The following KMT2E variants were observed in gnomAD, a reference collection of about 807,000 sequenced individuals.
The protein encoded by KMT2E is histone reader KMT2E.
Under a neutral mutation model 184.6 loss-of-function variants are expected in KMT2E, and 30 were observed. The ratio of observed to expected loss-of-function variants is 0.16; its 90% CI spans 0.12 to 0.22. The LOEUF (loss-of-function observed/expected upper bound fraction) is 0.22. Ranked by LOEUF, KMT2E falls within the 10% of genes least tolerant of loss-of-function variation. The pLI, the probability that KMT2E is intolerant of heterozygous loss-of-function variation, is 1.00. For missense variants in KMT2E, 2,023 were observed against 2,237.4 expected (o/e 0.90, Z 1.93); for synonymous variants, 815 against 776.5 (o/e 1.05, Z -0.82).
Position 105,107,160 on chromosome 7 carries a change from A to G in KMT2E, c.2848-6A>G, listed in dbSNP as rs778799695. On this transcript the variant is annotated splice_polypyrimidine_tract_variant and splice_region_variant and intron_variant, in intron 20 of 26. Coordinates refer to ENST00000311117, the MANE Select transcript of KMT2E (RefSeq NM_182931.3). Reference sequence around the variant, plus strand: ...TTTTCAATTCTAATTCTTTCTTTATATACAGAATATTTCTTCCCCAGAAAG... The same window carrying G: ...TTTTCAATTCTAATTCTTTCTTTATGTACAGAATATTTCTTCCCCAGAAAG... 3.5e-6 allele frequency: 5 copies of G among 1,411,930 alleles called. No individual in the cohort carries two copies. The highest frequency in any genetic ancestry group is 4.9e-6 in the Non-Finnish European group (5 of 1,020,876). The allele number at this position is 1,411,930 out of a possible 1,614,324, so 87.5% of individuals were successfully genotyped here.
At chr7:105,030,328 T>G (rs1036643074) in intron 1 of KMT2E, among the ~76,000 whole-genome samples, 1 of 152,178 alleles carries the variant, frequency 6.6e-6, no homozygotes, top group South Asian at 2.1e-4. Flanking sequence ...AAGGAAGCAT[T>G]GGTTCTTGAA....
intron 6 of KMT2E, among the ~76,000 whole-genome samples, chr7:105,067,490 A>G (rs1401893321): frequency 6.6e-6 from 1 of 152,088 alleles, no homozygotes; most frequent in African/African-American, 2.4e-5. Context: ...TCACATTTCC[A>G]CCACCCTACC....
At chr7:105,060,763 G>A (rs1211681533) in intron 3 of KMT2E, among the ~76,000 whole-genome samples, 1 of 152,094 alleles carries the variant, frequency 6.6e-6, no homozygotes, top group Non-Finnish European at 1.5e-5. Context: ...GATGTGTTTA[G>A]ATACAGAATA....
At chr7:105,020,568 A>C (rs1247741951) in intron 1 of KMT2E, among the ~76,000 whole-genome samples, 1 of 152,214 alleles carries the variant, frequency 6.6e-6, no homozygotes, top group African/African-American at 2.4e-5. Flanking sequence ...CTGGGCAACG[A>C]GCGAAACTGC....
At position 105,111,979 on chromosome 7, in the gene KMT2E, A is replaced by G; in HGVS notation, c.4223A>G (p.Asn1408Ser). 1 of 1,614,170 alleles carries G rather than the reference A, an allele frequency of 6.2e-7. No homozygotes were observed. The highest frequency in any genetic ancestry group is 8.5e-7 in the Non-Finnish European group (1 of 1,180,022). ...CAACAAAAACAGCTATCAAATAACA[A>G]CCAAGCACTTTCAAAGAATCATCCT... ...ELQQKQLSNNNQALSKNHPPQ... is the reference protein window; with the variant it reads ...ELQQKQLSNNSQALSKNHPPQ... The change falls in exon 27 of 27, where the codon AAC becomes AGC. Residue 1408 changes from asparagine to serine, a missense_variant. Asn to Ser is a conservative substitution (Grantham distance 46, BLOSUM62 1). Transcript: ENST00000311117.
At chr7:105,073,912 A>G (rs1797430147) in intron 7 of KMT2E, among the ~76,000 whole-genome samples, 1 of 152,210 alleles carries the variant, frequency 6.6e-6, no homozygotes, top group Admixed American at 6.5e-5. Context: ...AGGAAAATAA[A>G]TAATTTAAAT....
chr7:105,014,847 G>A (rs1490191278), intron 1 of KMT2E, among the ~76,000 whole-genome samples: 2 of 152,174 alleles, frequency 1.3e-5, no homozygotes, highest in African/African-American at 4.8e-5. Flanking sequence ...AAGGCCGCTT[G>A]AGTGAAGACG....
intron 3 of KMT2E, among the ~76,000 whole-genome samples, chr7:105,050,218 T>G (rs1301551977): frequency 6.6e-6 from 1 of 152,208 alleles, no homozygotes; most frequent in African/African-American, 2.4e-5. Flanking sequence ...TAATTGGTAG[T>G]CTTCTATAAT....
intron 1 of KMT2E, among the ~76,000 whole-genome samples, chr7:105,023,338 G>T (rs1453462108): frequency 7.0e-6 from 1 of 143,432 alleles, no homozygotes; most frequent in African/African-American, 2.7e-5. Context: ...GGAGGCAGAG[G>T]TTGCAGTGAG....
chr7:105,086,666 A>G (rs1312499378), intron 13 of KMT2E, among the ~76,000 whole-genome samples: 1 of 151,702 alleles, frequency 6.6e-6, no homozygotes, highest in Non-Finnish European at 1.5e-5. Flanking sequence ...TGGAGGTTGC[A>G]GTGAGCCAAT....
At chr7:105,094,517 G>T (rs1315699429) in intron 15 of KMT2E, among the ~76,000 whole-genome samples, 13 of 152,146 alleles carry the variant, frequency 8.5e-5, no homozygotes, top group Admixed American at 7.9e-4. Context: ...GCTCCAATAA[G>T]CGTTTCCTTT....
rs57492989 is a variant in KMT2E, at chr7:105,109,240, G to C, written c.3755+12G>C. 5,818 of 1,611,682 alleles carry C rather than the reference G, an allele frequency of 3.6e-3. 136 individuals are homozygous for C. The East Asian group carries it at 0.062, about 17-fold the overall frequency. ...CCAGAAGTTCAATGGTAAGCCCATT[G>C]TGAAGTATGCTACTCTGGAAAAAAC... On this transcript the variant is annotated intron_variant, in intron 23 of 26. Coordinates refer to ENST00000311117, the MANE Select transcript of KMT2E (RefSeq NM_182931.3).
At chr7:105,094,349 A>G (rs568658773) in intron 15 of KMT2E, among the ~76,000 whole-genome samples, 2 of 152,336 alleles carry the variant, frequency 1.3e-5, no homozygotes, top group South Asian at 2.1e-4. Flanking sequence ...CGTCAAACTG[A>G]TTTAAATTTC....
At chr7:105,061,749 A>G (rs1360569873) in intron 3 of KMT2E, among the ~76,000 whole-genome samples, 4 of 152,172 alleles carry the variant, frequency 2.6e-5, no homozygotes, top group African/African-American at 7.2e-5. Flanking sequence ...CAACACATGC[A>G]TATATTTTTG....
intron 17 of KMT2E, chr7:105,102,893 T>A (rs763932102): frequency 6.6e-6 from 1 of 152,250 alleles, no homozygotes; most frequent in South Asian, 2.1e-4. Context: ...CAGTACAGTT[T>A]GTAGGCATGC....
At chr7:105,022,120 G>A (rs751097549) in intron 1 of KMT2E, among the ~76,000 whole-genome samples, 31 of 152,020 alleles carry the variant, frequency 2.0e-4, no homozygotes, top group Non-Finnish European at 3.8e-4. Flanking sequence ...CTAAGAACAC[G>A]CATGTTTTCC....
intron 15 of KMT2E, among the ~76,000 whole-genome samples, chr7:105,098,115 A>ATCTT (rs1175461170): frequency 6.6e-6 from 1 of 152,170 alleles, no homozygotes; most frequent in Admixed American, 6.5e-5. Flanking sequence ...TTATAAGTTT[A>ATCTT]TCTTTGTTAT....
In KMT2E at chr7:105,107,772, G is replaced by C; in HGVS notation, c.3315G>C (p.Lys1105Asn). Residue 1105 changes from lysine (K) to asparagine (N), a missense_variant, in exon 22 of 27, where the codon AAG becomes AAC. Transcript: ENST00000311117. ...GAGGCTTCCGAATAAGTGAGTCAAA[G>C]TGCCTGATGCAGGATGATACTAGAG... ...VGGGFRISESKCLMQDDTRGM... is the reference protein window; with the variant it reads ...VGGGFRISESNCLMQDDTRGM... 1 of 1,614,168 alleles carries C rather than the reference G, an allele frequency of 6.2e-7. No homozygotes were observed. Among genetic ancestry groups the C allele is most frequent in the Non-Finnish European group, 8.5e-7 (1 of 1,180,026 alleles).
rs780188270 is a variant in KMT2E, at chr7:105,110,038, C to T, written c.3756-242C>T. 7.2e-5 allele frequency among the ~76,000 whole-genome samples: 11 copies of T among 151,798 alleles called. No individual in the cohort carries two copies. The East Asian group carries it at 7.7e-4, about 11-fold the overall frequency. On this transcript the variant is annotated intron_variant, in intron 23 of 26. Coordinates refer to ENST00000311117, the MANE Select transcript of KMT2E (RefSeq NM_182931.3). ...TTAGTAGAGACGGGGTTTCACCATG[C>T]TGGCCAGGCTGGTCTCAGACTCCTG...
Sources: gnomAD v4.1 joint callset for allele counts (sites outside exome capture counted in the v4.1 genomes callset) on GRCh38, gnomAD v4.1.1 for gene constraint, MANE v1.5 for transcripts, NCBI Gene and HGNC (gene_info 2026-07-23, HGNC 2026-07-21) for gene names.